The following AP4S1 variants were observed in gnomAD, a reference collection of about 807,000 sequenced individuals.
AP4S1 encodes adaptor related protein complex 4 subunit sigma 1, also known as AP-4 complex subunit sigma-1.
A neutral mutation model predicts 19.8 loss-of-function variants in AP4S1; 23 were observed. The ratio of observed to expected loss-of-function variants is 1.16; its 90% CI spans 0.84 to 1.65. The LOEUF is 1.65. Among genes scored for constraint, AP4S1 ranks in the 40% most tolerant of loss-of-function variants. The pLI, the probability that AP4S1 is intolerant of heterozygous loss-of-function variation, is 0.00. For synonymous variants in AP4S1, 46 were observed against 54.1 expected, an observed-to-expected ratio of 0.85 and a Z score of 0.66; for missense variants, 166 against 172.8, an observed-to-expected ratio of 0.96 and a Z score of 0.22.
At chr14:31,038,764 T>C (rs1053108014) in intron 1 of AP4S1, among the ~76,000 whole-genome samples, 47 of 152,164 alleles carry the variant, frequency 3.1e-4, no homozygotes, top group South Asian at 2.1e-4. Context: ...TAAATAGATA[T>C]AGTTAAAGCA....
At chr14:31,086,726 T>A (rs576366896) in intron 5 of AP4S1, among the ~76,000 whole-genome samples, 24 of 152,266 alleles carry the variant, frequency 1.6e-4, no homozygotes, top group African/African-American at 5.8e-4. Context: ...AGGAATGGCT[T>A]GATATTATCA....
intron 1 of AP4S1, among the ~76,000 whole-genome samples, chr14:31,033,845 A>G (rs923021363): frequency 2.2e-4 from 34 of 152,218 alleles, no homozygotes; most frequent in African/African-American, 7.7e-4. Flanking sequence ...ATGCTGTATA[A>G]AATTGTAGTC....
At chr14:31,040,498 C>T (rs1238973678) in intron 1 of AP4S1, among the ~76,000 whole-genome samples, 4 of 152,080 alleles carry the variant, frequency 2.6e-5, no homozygotes, top group Admixed American at 2.6e-4. Context: ...TGTAACATTG[C>T]ACTCGACCTT....
rs1594632347 is a variant in AP4S1 at position 31,037,533 on chromosome 14, A to T, written c.-72+11746A>T. ...GCTTTTGAAATATTTTCATCCGACC[A>T]CTATTAAAGTCATTATGACATTTTT... On this transcript the variant is annotated intron_variant, in intron 1 of 5. Transcript: ENST00000542754. Among the ~76,000 whole-genome samples the T allele has an allele frequency of 2.0e-5, 3 of 152,274 alleles. No homozygotes were observed. The South Asian group carries it at 6.2e-4, about 32-fold the overall frequency.
chr14:31,041,855 T>C (rs1885129340), intron 1 of AP4S1, among the ~76,000 whole-genome samples: 1 of 152,162 alleles, frequency 6.6e-6, no homozygotes, highest in African/African-American at 2.4e-5. Flanking sequence ...TTTATTTTAT[T>C]TTTTGATATG....
chr14:31,084,667 A>C (rs551412687), intron 5 of AP4S1: 1 of 1,570,460 alleles, frequency 6.4e-7, no homozygotes, highest in Admixed American at 1.8e-5. Flanking sequence ...TGAGGCCTGA[A>C]GATTTGTGAA....
At chr14:31,040,992 G>T (rs1014880884) in intron 1 of AP4S1, among the ~76,000 whole-genome samples, 5 of 150,590 alleles carry the variant, frequency 3.3e-5, no homozygotes, top group African/African-American at 4.9e-5. Flanking sequence ...GGAGAATGGT[G>T]TGAACCCAGG....
intron 4 of AP4S1, among the ~76,000 whole-genome samples, chr14:31,074,364 T>TAAATAAAG (rs869200403): frequency 2.9e-4 from 21 of 73,338 alleles, no homozygotes; most frequent in African/African-American, 8.3e-4. Context: ...AATAAATAAA[T>TAAATAAAG]AAAGTAAGCT....
chr14:31,057,932 G>GTT (rs980745556), intron 1 of AP4S1, among the ~76,000 whole-genome samples: 8 of 139,388 alleles, frequency 5.7e-5, no homozygotes, highest in African/African-American at 1.0e-4. Context: ...CCAGCCAGTT[G>GTT]TTTTTTTTTT....
chr14:31,095,671 C>T lies in AP4S1; in HGVS notation c.*2636C>T, dbSNP rs182291841. On this transcript the variant is annotated 3_prime_UTR_variant, in exon 6 of 6. Transcript: ENST00000542754. ...TGCAGTCACATGATCCATCTGCCTT[C>T]GCCTTCCAAAGTGTTGGGATTACAG... is the stretch of plus-strand genomic sequence containing the variant. 1.2e-3 allele frequency: 182 copies of T among 152,336 alleles called. No individual in the cohort carries two copies. The highest frequency in any genetic ancestry group is 4.2e-3 in the African/African-American group (176 of 41,570). The allele number at this position is 152,336 out of a possible 1,614,324, so 9.4% of individuals were successfully genotyped here.
intron 1 of AP4S1, among the ~76,000 whole-genome samples, chr14:31,039,437 G>A (rs924423701): frequency 6.6e-6 from 1 of 151,848 alleles, no homozygotes; most frequent in Admixed American, 6.6e-5. Flanking sequence ...TGCCCGCCTC[G>A]GCCTCCCAAA....
At chr14:31,072,327 C>T (rs898219250) in intron 3 of AP4S1, among the ~76,000 whole-genome samples, 17 of 152,052 alleles carry the variant, frequency 1.1e-4, no homozygotes, top group Admixed American at 5.9e-4. Context: ...CCTCCCACCT[C>T]GGCCTCCCAA....
intron 1 of AP4S1, among the ~76,000 whole-genome samples, chr14:31,036,277 GATGGGATCTC>G (rs1178380770): frequency 6.6e-6 from 1 of 151,530 alleles, no homozygotes; most frequent in Non-Finnish European, 1.5e-5. Flanking sequence ...TTTTGATACA[GATGGGATCTC>G]ACCCAGGCTG....
At chr14:31,042,750 G>C (rs1262443839) in intron 1 of AP4S1, among the ~76,000 whole-genome samples, 1 of 152,128 alleles carries the variant, frequency 6.6e-6, no homozygotes. Context: ...ATCCTTTTCA[G>C]TAAAACATTT....
chr14:31,044,734 A>G (rs541392321), intron 1 of AP4S1, among the ~76,000 whole-genome samples: 39 of 150,468 alleles, frequency 2.6e-4, no homozygotes, highest in Admixed American at 2.2e-3. Flanking sequence ...CCTCAAGTGT[A>G]TATGTTTATT....
rs1326956483 is a variant in AP4S1, at chr14:31,093,970, G to A, written c.*935G>A. On this transcript the variant is annotated 3_prime_UTR_variant, in exon 6 of 6. Coordinates refer to ENST00000542754, the MANE Select transcript of AP4S1 (RefSeq NM_001128126.3). ...TGCGACTACAGGCATGTAGTCCCCA[G>A]GAGACTGAGCTGTGATTACAGATGT... 6.6e-6 allele frequency: 1 copy of A among 152,264 alleles called. No individual in the cohort carries two copies. Among genetic ancestry groups the A allele is most frequent in the Non-Finnish European group, 1.5e-5 (1 of 68,146 alleles). The allele number at this position is 152,264 out of a possible 1,614,324, so 9.4% of individuals were successfully genotyped here.
At chr14:31,051,274 C>T (rs552373294) in intron 1 of AP4S1, among the ~76,000 whole-genome samples, 8 of 150,680 alleles carry the variant, frequency 5.3e-5, no homozygotes, top group South Asian at 2.1e-4. Flanking sequence ...AAAAAAAATA[C>T]GGTGTAGATA....
chr14:31,082,268 A>G (rs1887676349), intron 5 of AP4S1, among the ~76,000 whole-genome samples: 1 of 152,174 alleles, frequency 6.6e-6, no homozygotes. Context: ...CATGCTGAAT[A>G]AAAATATACC....
chr14:31,061,382 C>G (rs988172455), intron 1 of AP4S1, among the ~76,000 whole-genome samples: 1 of 152,170 alleles, frequency 6.6e-6, no homozygotes, highest in African/African-American at 2.4e-5. Flanking sequence ...ATGTTTTGTG[C>G]TCAAAGAGGC....
Sources: gnomAD v4.1 joint callset for allele counts (sites outside exome capture counted in the v4.1 genomes callset) on GRCh38, gnomAD v4.1.1 for gene constraint, MANE v1.5 for transcripts, NCBI Gene and HGNC (gene_info 2026-07-23, HGNC 2026-07-21) for gene names.